The following SFMBT2 variants were observed in gnomAD, a reference collection of about 807,000 sequenced individuals.
SFMBT2 encodes Scm like with four mbt domains 2, also known as scm-like with four MBT domains protein 2.
Under a neutral mutation model 110.1 loss-of-function variants are expected in SFMBT2, and 38 were observed. The observed-to-expected ratio is 0.35, with a 90% CI of 0.27 to 0.45. The LOEUF (loss-of-function observed/expected upper bound fraction) is 0.45, where lower values mean the gene tolerates loss of function less well. Among genes scored for constraint, SFMBT2 ranks in the 20% least tolerant of loss-of-function variants. SFMBT2 has a pLI of 1.00. For missense variants in SFMBT2, 1,011 were observed against 1,094.9 expected, an observed-to-expected ratio of 0.92 and a Z score of 1.08; for synonymous variants, 425 against 425.4, an observed-to-expected ratio of 1.00 and a Z score of 0.01.
In SFMBT2 at chr10:7,351,445, G is replaced by A. The variant is rs77933292; in HGVS notation, c.436+16204C>T. On this transcript the variant is annotated intron_variant, in intron 4 of 20. Transcript: ENST00000397167. ...CCCATTTAATGCACAAAACGATCCT[G>A]TAAGGCAGGTCTCATTATCTCCAGT... 5.0e-3 allele frequency among the ~76,000 whole-genome samples: 754 copies of A among 152,294 alleles called. 10 individuals carry two copies. The highest frequency in any genetic ancestry group is 0.017 in the African/African-American group (723 of 41,564).
rs991949600 is a variant in SFMBT2 at position 7,203,976 on chromosome 10, C to T, written c.1445-1454G>A. ...AGGTGATCCACCCGCCTCGGCCTCC[C>T]AAAGTGCTGAGATTATAGACGTGAG... On this transcript the variant is annotated intron_variant, in intron 12 of 20. Transcript: ENST00000397167. 1.9e-5 allele frequency: 4 copies of T among 211,026 alleles called. No homozygotes were observed. The Admixed American group carries it at 2.6e-4, about 14-fold the overall frequency. The allele number at this position is 211,026 out of a possible 1,614,324, so 13.1% of individuals were successfully genotyped here.
At chr10:7,223,117 T>C (rs913856085) in intron 10 of SFMBT2, among the ~76,000 whole-genome samples, 9 of 152,200 alleles carry the variant, frequency 5.9e-5, no homozygotes. Flanking sequence ...GGAGGCACAA[T>C]TCAACCCATA....
At chr10:7,228,374 ATT>A (rs760966543) in intron 9 of SFMBT2, 22 of 735,198 alleles carry the variant, frequency 3.0e-5, no homozygotes, top group Admixed American at 4.9e-4. Context: ...GAAATAAAAA[ATT>A]AAAAAAAAAA....
At chr10:7,235,211 G>C (rs1840218532) in intron 9 of SFMBT2, among the ~76,000 whole-genome samples, 1 of 152,052 alleles carries the variant, frequency 6.6e-6, no homozygotes, top group Admixed American at 6.6e-5. Flanking sequence ...GTGAACAAAA[G>C]AGATTAAAAA....
intron 7 of SFMBT2, among the ~76,000 whole-genome samples, chr10:7,257,446 T>C (rs1841061729): frequency 2.0e-5 from 3 of 152,182 alleles, no homozygotes; most frequent in African/African-American, 7.2e-5. Context: ...GAAACACACC[T>C]GCCTGGATAT....
At chr10:7,377,240 A>G (rs1845260250) in intron 2 of SFMBT2, among the ~76,000 whole-genome samples, 1 of 151,334 alleles carries the variant, frequency 6.6e-6, no homozygotes, top group Non-Finnish European at 1.5e-5. Context: ...CTTCGATCCC[A>G]TAATTTTCTC....
intron 1 of SFMBT2, among the ~76,000 whole-genome samples, chr10:7,384,688 A>G (rs1177088792): frequency 6.6e-6 from 1 of 152,142 alleles, no homozygotes; most frequent in Non-Finnish European, 1.5e-5. Context: ...GGACATTGGT[A>G]AACTGAGCAA....
chr10:7,181,461 T>C (rs190344749), intron 16 of SFMBT2, among the ~76,000 whole-genome samples: 19 of 152,298 alleles, frequency 1.2e-4, no homozygotes, highest in Admixed American at 1.2e-3. Flanking sequence ...GCCTTCAACT[T>C]ATCCCAAATC....
At chr10:7,266,596 G>A (rs755621809) in intron 7 of SFMBT2, among the ~76,000 whole-genome samples, 14 of 152,300 alleles carry the variant, frequency 9.2e-5, no homozygotes, top group South Asian at 6.2e-4. Context: ...CAGGCATCCC[G>A]CCCTGATGAG....
chr10:7,208,542 T>C (rs975223881), intron 11 of SFMBT2, among the ~76,000 whole-genome samples: 1 of 151,958 alleles, frequency 6.6e-6, no homozygotes, highest in African/African-American at 2.4e-5. Context: ...AAAAATTAGC[T>C]GGGCATGGTG....
chr10:7,384,889 G>T (rs1845545891), intron 1 of SFMBT2, among the ~76,000 whole-genome samples: 1 of 152,172 alleles, frequency 6.6e-6, no homozygotes, highest in East Asian at 1.9e-4. Flanking sequence ...GGCGGCCACA[G>T]AACTAAACAT....
At chr10:7,258,877 T>C (rs1032671092) in intron 7 of SFMBT2, among the ~76,000 whole-genome samples, 8 of 152,234 alleles carry the variant, frequency 5.3e-5, no homozygotes, top group African/African-American at 7.2e-5. Flanking sequence ...AGTGAAGTAT[T>C]TGTAACAAAA....
Position 7,367,562 on chromosome 10 carries a change from C to G in SFMBT2, c.436+87G>C. ...TGCACTAAGACCATTAGGGATTCTA[C>G]GCAAGGTTCTCTCTGCTCCTTGCAA... On this transcript the variant is annotated intron_variant, in intron 4 of 20. Coordinates refer to ENST00000397167, the MANE Select transcript of SFMBT2 (RefSeq NM_001387889.1). This position sits in a 1 kb window ranked among gnomAD's most constrained non-coding sequence, Gnocchi z 6.2. 1 of 1,525,710 alleles carries G rather than the reference C, an allele frequency of 6.6e-7. No homozygotes were observed. Among genetic ancestry groups the G allele is most frequent in the Admixed American group, 1.9e-5 (1 of 51,474 alleles). The allele number at this position is 1,525,710 out of a possible 1,614,324, so 94.5% of individuals were successfully genotyped here. A position where few individuals can be genotyped will look rare whatever the true frequency, so the allele number is the denominator to read the frequency against.
At chr10:7,403,870 T>C (rs1470037158) in intron 1 of SFMBT2, among the ~76,000 whole-genome samples, 1 of 152,120 alleles carries the variant, frequency 6.6e-6, no homozygotes, top group African/African-American at 2.4e-5. Flanking sequence ...GAAATATAAA[T>C]ATGAAGCAAC....
At chr10:7,251,366 C>T (rs568146288) in intron 7 of SFMBT2, among the ~76,000 whole-genome samples, 1 of 151,932 alleles carries the variant, frequency 6.6e-6, no homozygotes, top group African/African-American at 2.4e-5. Context: ...CCCAGCTACC[C>T]GGGAGGCAGA....
chr10:7,329,642 C>T (rs558465039), intron 4 of SFMBT2: 3 of 343,084 alleles, frequency 8.7e-6, no homozygotes, highest in South Asian at 1.2e-4. Context: ...AAGGCAGGCT[C>T]GTCTCTGCTC....
intron 4 of SFMBT2, among the ~76,000 whole-genome samples, chr10:7,348,937 C>T (rs1466354219): frequency 6.6e-6 from 1 of 152,150 alleles, no homozygotes; most frequent in Non-Finnish European, 1.5e-5. Context: ...TTGTCACCAC[C>T]ATGACAAGGA....
At chr10:7,213,235 TTAAAG>T (rs1244776985) in intron 11 of SFMBT2, among the ~76,000 whole-genome samples, 3 of 77,408 alleles carry the variant, frequency 3.9e-5, no homozygotes, top group Non-Finnish European at 7.9e-5. Flanking sequence ...ATCCCAGAAC[TTAAAG>T]TAAAATAAAA....
chr10:7,305,581 T>C (rs1369812767), intron 4 of SFMBT2, among the ~76,000 whole-genome samples: 6 of 152,132 alleles, frequency 3.9e-5, no homozygotes, highest in African/African-American at 1.4e-4. Flanking sequence ...AACAGGAAAA[T>C]TGATCCCTGT....
Sources: gnomAD v4.1 joint callset for allele counts (sites outside exome capture counted in the v4.1 genomes callset) on GRCh38, gnomAD v4.1.1 for gene constraint, Gnocchi (gnomAD v3.1) non-coding constraint, MANE v1.5 for transcripts, NCBI Gene and HGNC (gene_info 2026-07-23, HGNC 2026-07-21) for gene names.